Variants in EIPR1 observed in about 807,000 individuals in gnomAD.
The protein encoded by EIPR1 is EARP and GARP complex-interacting protein 1.
A neutral mutation model predicts 48.1 loss-of-function variants in EIPR1; 25 were observed. That is an observed-to-expected ratio of 0.52 (90% CI 0.38 to 0.73). The LOEUF is 0.73. EIPR1 is among the 30% of genes least tolerant of loss of function. EIPR1 has a pLI of 0.00. For missense variants in EIPR1, 415 were observed against 506.2 expected (o/e 0.82, Z 1.73); for synonymous variants, 204 against 201.9 (o/e 1.01, Z -0.09).
chr2:3,372,656 T>C (rs1659707943), intron 1 of EIPR1, among the ~76,000 whole-genome samples: 1 of 152,098 alleles, frequency 6.6e-6, no homozygotes, highest in Non-Finnish European at 1.5e-5. Flanking sequence ...CCTCAACACA[T>C]ACACTCTCCC....
At chr2:3,300,044 C>T (rs1668721567) in intron 3 of EIPR1, among the ~76,000 whole-genome samples, 1 of 152,166 alleles carries the variant, frequency 6.6e-6, no homozygotes, top group Admixed American at 6.5e-5. Flanking sequence ...CCAGTGCAGA[C>T]AGCTGTGGCT....
chr2:3,353,720 T>C (rs1670646915), intron 2 of EIPR1, among the ~76,000 whole-genome samples: 1 of 152,254 alleles, frequency 6.6e-6, no homozygotes, highest in African/African-American at 2.4e-5. Flanking sequence ...TCTAAGGATG[T>C]ATCACTGAAC....
At chr2:3,246,865 G>A (rs1417827097) in intron 4 of EIPR1, among the ~76,000 whole-genome samples, 4 of 62,758 alleles carry the variant, frequency 6.4e-5, no homozygotes, top group Non-Finnish European at 9.5e-5. Flanking sequence ...GGAAGGGAGG[G>A]AAGGAGGGAG....
intron 4 of EIPR1, among the ~76,000 whole-genome samples, chr2:3,240,530 CAGATCCCTCCTAAAGCAAAGCCAGT>C (rs1666575065): frequency 6.1e-5 from 9 of 147,608 alleles, no homozygotes; most frequent in South Asian, 2.2e-4. Context: ...GCAAAGCCAG[CAGATCCCTCCTAAAGCAAAGCCAGT>C]AGATCCCTCC....
chr2:3,236,768 A>G (rs1286304488), intron 4 of EIPR1, among the ~76,000 whole-genome samples: 2 of 152,212 alleles, frequency 1.3e-5, no homozygotes, highest in African/African-American at 2.4e-5. Flanking sequence ...TAACAAACAC[A>G]GAAAGATGAG....
intron 5 of EIPR1, among the ~76,000 whole-genome samples, chr2:3,212,833 T>C (rs894440955): frequency 6.6e-6 from 1 of 152,210 alleles, no homozygotes; most frequent in African/African-American, 2.4e-5. Flanking sequence ...AAGTTTGTCA[T>C]GAAAATAATA....
chr2:3,213,949 C>G (rs549341717), intron 5 of EIPR1, among the ~76,000 whole-genome samples, 200 bp downstream of exon 5: 6 of 152,198 alleles, frequency 3.9e-5, no homozygotes, highest in African/African-American at 1.4e-4. Context: ...GTGCTGCACC[C>G]ATTAACTAGT....
At chr2:3,219,915 G>A (rs1186740095) in intron 4 of EIPR1, among the ~76,000 whole-genome samples, 1 of 152,236 alleles carries the variant, frequency 6.6e-6, no homozygotes, top group African/African-American at 2.4e-5. Context: ...TCCATATCCT[G>A]TTAGGAACTA....
At chr2:3,328,819 C>T (rs867461643) in intron 3 of EIPR1, among the ~76,000 whole-genome samples, 7 of 106,606 alleles carry the variant, frequency 6.6e-5, no homozygotes, top group South Asian at 3.4e-4. Flanking sequence ...AGCCCACCCA[C>T]CACGCTCTAA....
chr2:3,196,944 T>C lies in EIPR1; in HGVS notation c.590A>G (p.Asn197Ser). The C allele has an allele frequency of 1.9e-6, 3 of 1,613,946 alleles. No individual in the cohort carries two copies. Among genetic ancestry groups the C allele is most frequent in the Non-Finnish European group, 2.5e-6 (3 of 1,180,036 alleles). The change falls in exon 6 of 9, where the codon AAC becomes AGC. Residue 197 changes from asparagine to serine, a missense_variant. Asn to Ser is a conservative substitution (Grantham distance 46, BLOSUM62 1). Coordinates refer to ENST00000382125, the MANE Select transcript of EIPR1 (RefSeq NM_003310.5). ...GTTCGCTGTGGCCACCTGGGTGCAGTTATGATGTGGGCTCCACCGTCCTGA... is the reference window on the plus strand; with the variant it reads ...GTTCGCTGTGGCCACCTGGGTGCAGCTATGATGTGGGCTCCACCGTCCTGA... ...FTSGRWSPHH[N>S]CTQVATANDT...
At chr2:3,359,513 C>G (rs1670805504) in intron 1 of EIPR1, among the ~76,000 whole-genome samples, 1 of 152,026 alleles carries the variant, frequency 6.6e-6, no homozygotes, top group Non-Finnish European at 1.5e-5. Flanking sequence ...CTTATTCAAG[C>G]TCATACAAGA....
chr2:3,354,685 A>G (rs768623158), intron 1 of EIPR1, 52 bp from the exon 2 acceptor site: 26 of 1,338,024 alleles, frequency 1.9e-5, no homozygotes, highest in Admixed American at 5.2e-5. Context: ...GATTTAATAG[A>G]GATTATGAAG....
intron 4 of EIPR1, among the ~76,000 whole-genome samples, chr2:3,233,550 T>C (rs1176878439): frequency 6.6e-6 from 1 of 152,232 alleles, no homozygotes; most frequent in East Asian, 1.9e-4. Flanking sequence ...ACTGTGATAA[T>C]GACCGTGCTG....
At chr2:3,196,068 CTG>C (rs1333452031) in intron 6 of EIPR1, among the ~76,000 whole-genome samples, 1 of 152,248 alleles carries the variant, frequency 6.6e-6, no homozygotes, top group Non-Finnish European at 1.5e-5. Flanking sequence ...CGGGCTGAGT[CTG>C]TGGTTTCCAG....
intron 2 of EIPR1, among the ~76,000 whole-genome samples, chr2:3,348,947 T>C (rs1181112687): frequency 6.6e-6 from 1 of 152,228 alleles, no homozygotes; most frequent in Non-Finnish European, 1.5e-5. Flanking sequence ...TCTGTGCACA[T>C]GCGCACAGGC....
chr2:3,272,451 T>C (rs1207596304), intron 3 of EIPR1, among the ~76,000 whole-genome samples: 1 of 152,236 alleles, frequency 6.6e-6, no homozygotes, highest in Non-Finnish European at 1.5e-5. Context: ...ATTCCTTTCA[T>C]TGAACACTCA....
At chr2:3,347,573 G>A (rs566203791) in intron 2 of EIPR1, among the ~76,000 whole-genome samples, 136 of 152,164 alleles carry the variant, frequency 8.9e-4, no homozygotes, top group Non-Finnish European at 1.5e-3. Flanking sequence ...TTTCTTTCCC[G>A]TCTCGGGTAT....
chr2:3,373,867 A>G (rs553860620), intron 1 of EIPR1, among the ~76,000 whole-genome samples: 13 of 151,964 alleles, frequency 8.6e-5, no homozygotes, highest in African/African-American at 2.4e-4. Context: ...TCACAGAATT[A>G]GAAAAAACTA....
chr2:3,331,081 A>C (rs1268720046), intron 3 of EIPR1, among the ~76,000 whole-genome samples: 2 of 124,044 alleles, frequency 1.6e-5, no homozygotes, highest in Non-Finnish European at 3.5e-5. Context: ...GCACACACTC[A>C]TGAGATGGTG....
Sources: allele counts gnomAD v4.1 joint callset (sites outside exome capture counted in the v4.1 genomes callset), GRCh38; gene constraint gnomAD v4.1.1; transcripts MANE v1.5; gene names NCBI Gene and HGNC (gene_info 2026-07-23, HGNC 2026-07-21).